Variants in IQSEC3 observed in about 807,000 individuals in gnomAD.
IQSEC3 encodes the protein IQ motif and Sec7 domain ArfGEF 3.
IQSEC3 carries 50 observed loss-of-function variants against 105.4 expected under a neutral mutation model. The observed-to-expected ratio is 0.47, with a 90% CI of 0.38 to 0.60. IQSEC3 has a LOEUF of 0.60. IQSEC3 is among the 20% of genes least tolerant of loss of function. The pLI is 0.00. For synonymous variants in IQSEC3, 708 were observed against 746.0 expected, an observed-to-expected ratio of 0.95 and a Z score of 0.83; for missense variants, 1,415 against 1,630.0, an observed-to-expected ratio of 0.87 and a Z score of 2.27.
At chr12:121,180 C>G (rs1474069050) in intron 2 of IQSEC3, among the ~76,000 whole-genome samples, 1 of 152,174 alleles carries the variant, frequency 6.6e-6, no homozygotes, top group East Asian at 1.9e-4. Flanking sequence ...ACTGTGGAAG[C>G]TGGAGAGACA....
At chr12:171,233 G>A (rs782691931) in intron 13 of IQSEC3, 72 bp downstream of exon 13, 2 of 1,613,944 alleles carry the variant, frequency 1.2e-6, no homozygotes, top group East Asian at 4.5e-5. Flanking sequence ...CGTCTCTGTT[G>A]TTTCTCTTCT....
At chr12:165,978 G>A (rs927830537) in intron 11 of IQSEC3, 88 bp downstream of exon 11, 5 of 1,489,766 alleles carry the variant, frequency 3.4e-6, no homozygotes, top group African/African-American at 2.8e-5. Flanking sequence ...CCTGACTCCA[G>A]GGAGCTGGCC....
intron 1 of IQSEC3, among the ~76,000 whole-genome samples, chr12:89,866 T>C (rs1354833051): frequency 6.6e-6 from 1 of 152,274 alleles, no homozygotes; most frequent in East Asian, 1.9e-4. Context: ...ACATTGTTTC[T>C]GGGTGGTTTT....
intron 4 of IQSEC3, chr12:139,595 G>C (rs1236716107): frequency 2.3e-6 from 1 of 425,892 alleles, no homozygotes. Context: ...TAACACATCA[G>C]ACACATGCTT....
In IQSEC3 at chr12:178,390, G is replaced by A. The variant is rs1311842131; in HGVS notation, c.*3357G>A. Reference sequence around the variant, plus strand: ...ATGGCAAATATTTTGTAACAAAATAGCCCAGAGGTATTTTATCTGTTCAAT... The same window carrying A: ...ATGGCAAATATTTTGTAACAAAATAACCCAGAGGTATTTTATCTGTTCAAT... On this transcript the variant is annotated 3_prime_UTR_variant, in exon 14 of 14. Coordinates refer to ENST00000538872, the MANE Select transcript of IQSEC3 (RefSeq NM_001170738.2). 6.6e-6 allele frequency: 1 copy of A among 152,238 alleles called. No individual in the cohort carries two copies. The highest frequency in any genetic ancestry group is 1.5e-5 in the Non-Finnish European group (1 of 68,050). The allele number at this position is 152,238 out of a possible 1,614,324, so 9.4% of individuals were successfully genotyped here.
chr12:140,870 G>T lies in IQSEC3; in HGVS notation c.1992-254G>T, dbSNP rs569722630. 5.4e-4 allele frequency: 245 copies of T among 457,338 alleles called. 1 individual carries two copies. In the Admixed American group the frequency reaches 8.1e-3, roughly 15 times the overall value. The allele number at this position is 457,338 out of a possible 1,614,324, so 28.3% of individuals were successfully genotyped here. On this transcript the variant is annotated intron_variant, in intron 4 of 13. Coordinates refer to ENST00000538872, the MANE Select transcript of IQSEC3 (RefSeq NM_001170738.2). ...ACTGGGGTAAGACCCAGGAGGCAGG[G>T]ACAGAGAAGGGTACTTCTCCTCCAT...
At chr12:137,017 G>A (rs1056280383) in intron 3 of IQSEC3, among the ~76,000 whole-genome samples, 1 of 152,146 alleles carries the variant, frequency 6.6e-6, no homozygotes, top group African/African-American at 2.4e-5. Flanking sequence ...GATCTGCCCA[G>A]GTGAGGTGCC....
At chr12:110,663 A>G (rs1864851478) in intron 2 of IQSEC3, among the ~76,000 whole-genome samples, 1 of 152,118 alleles carries the variant, frequency 6.6e-6, no homozygotes, top group African/African-American at 2.4e-5. Context: ...TCCCCAGGAA[A>G]CAGAATATTT....
chr12:138,530 C>T lies in IQSEC3; in HGVS notation c.1167C>T (p.Pro389=). ...LPLVRSPSLP[P]TFAGTLTELE... is the part of the protein sequence containing the mutation. ...TGGTGCGCTCGCCCTCCCTGCCGCCCACCTTCGCAGGCACCCTCACCGAGC... is the reference window on the plus strand; with the variant it reads ...TGGTGCGCTCGCCCTCCCTGCCGCCTACCTTCGCAGGCACCCTCACCGAGC... Residue 389 remains proline, a synonymous_variant, in exon 4 of 14, where the codon CCC becomes CCT. Transcript: ENST00000538872. This position sits in a 1 kb window ranked among gnomAD's most constrained non-coding sequence, Gnocchi z 7.1. The T allele has an allele frequency of 6.3e-7, 1 of 1,578,724 alleles. No individual in the cohort carries two copies. Among genetic ancestry groups the T allele is most frequent in the Non-Finnish European group, 8.6e-7 (1 of 1,169,352 alleles).
intron 2 of IQSEC3, among the ~76,000 whole-genome samples, chr12:105,696 G>T (rs571188255): frequency 6.6e-6 from 1 of 152,224 alleles, no homozygotes; most frequent in Non-Finnish European, 1.5e-5. Flanking sequence ...TTGGGAGGGC[G>T]TATTAAAATA....
At chr12:145,377 G>A (rs1555090689) in intron 5 of IQSEC3, among the ~76,000 whole-genome samples, 2 of 152,178 alleles carry the variant, frequency 1.3e-5, no homozygotes, top group African/African-American at 4.8e-5. Context: ...GGGCCCAAGT[G>A]CTCCTCCTAC....
At chr12:129,843 C>T (rs1865531851) in intron 3 of IQSEC3, among the ~76,000 whole-genome samples, 1 of 152,186 alleles carries the variant, frequency 6.6e-6, no homozygotes, top group Non-Finnish European at 1.5e-5. Context: ...TCCCCATACC[C>T]CAAGCCTCAG....
Position 67,198 on chromosome 12 carries a change from C to A in IQSEC3, c.316C>A (p.His106Asn), listed in dbSNP as rs1435456164. 1 of 1,548,742 alleles carries A rather than the reference C, an allele frequency of 6.5e-7. No individual in the cohort carries two copies. The highest frequency in any genetic ancestry group is 1.2e-5 in the South Asian group (1 of 85,502). Residue 106 changes from histidine (H) to asparagine (N), a missense_variant, in exon 1 of 14, where the codon CAT becomes AAT. His to Asn is a moderately conservative substitution (Grantham distance 68). Transcript: ENST00000538872. The part of the protein sequence containing the change: ...DQGQRSAAAP[H>N]PAPDRPPRQH... ...GGGACAGCGCTCAGCAGCCGCGCCG[C>A]ATCCCGCGCCCGATCGGCCGCCGCG...
rs562635461 is a variant in IQSEC3, at chr12:162,593, C to G, written c.2583+528C>G. On this transcript the variant is annotated intron_variant, in intron 8 of 13. Coordinates refer to ENST00000538872, the MANE Select transcript of IQSEC3 (RefSeq NM_001170738.2). ...GGATGTCATGGGGGTTCCAGTTCCTCCTCCTCATATTCTTGCCTCAGGGGA... is the reference window on the plus strand; with the variant it reads ...GGATGTCATGGGGGTTCCAGTTCCTGCTCCTCATATTCTTGCCTCAGGGGA... Among the ~76,000 whole-genome samples, 8 of 152,330 alleles carry G rather than the reference C, an allele frequency of 5.3e-5. No homozygotes were observed. In the East Asian group the frequency reaches 1.5e-3, roughly 29 times the overall value.
intron 2 of IQSEC3, among the ~76,000 whole-genome samples, chr12:108,811 G>A (rs1046961018): frequency 3.9e-5 from 6 of 152,234 alleles, no homozygotes; most frequent in African/African-American, 1.2e-4. Context: ...TCCCTGATGG[G>A]CACTCTCATC....
chr12:123,292 C>A (rs1022885348), intron 2 of IQSEC3, among the ~76,000 whole-genome samples: 1 of 151,888 alleles, frequency 6.6e-6, no homozygotes, highest in Admixed American at 6.6e-5. Flanking sequence ...CCACCTGTAG[C>A]CCGGTGTGGT....
chr12:174,983 TC>T lies in IQSEC3; in HGVS notation c.3502del (p.Leu1168CysfsTer51). On this transcript the variant is annotated frameshift_variant, in exon 14 of 14. Transcript: ENST00000538872. LOFTEE classifies it high-confidence loss of function. ...NHPHQFCPPG[S>X]LLHGHRYSSG... The stretch of plus-strand genomic sequence containing the variant: ...CCCTCACCAGTTCTGTCCCCCAGGC[TC>T]CCTGCTGCACGGGCACCGCTACTCC... The T allele has an allele frequency of 6.5e-7, 1 of 1,534,366 alleles. No individual in the cohort carries two copies. Among genetic ancestry groups the T allele is most frequent in the Non-Finnish European group, 8.7e-7 (1 of 1,152,700 alleles).
intron 2 of IQSEC3, among the ~76,000 whole-genome samples, chr12:100,513 G>A (rs1418046550): frequency 6.6e-6 from 1 of 152,192 alleles, no homozygotes; most frequent in Non-Finnish European, 1.5e-5. Context: ...TTGCCTCATA[G>A]GGGAGCCAGC....
intron 5 of IQSEC3, chr12:142,206 C>T (rs1866058930): frequency 6.6e-6 from 1 of 152,264 alleles, no homozygotes; most frequent in African/African-American, 2.4e-5. Context: ...TCCCTTTCAT[C>T]CTCGCTCCTG....
Sources: gnomAD v4.1 joint callset for allele counts (sites outside exome capture counted in the v4.1 genomes callset) on GRCh38, gnomAD v4.1.1 for gene constraint, Gnocchi (gnomAD v3.1) non-coding constraint, MANE v1.5 for transcripts, NCBI Gene and HGNC (gene_info 2026-07-23, HGNC 2026-07-21) for gene names.